The following BRI3BP variants were observed in gnomAD, a reference collection of about 807,000 sequenced individuals.
The protein encoded by BRI3BP is BRI3 binding protein, also known as BRI3-binding protein.
A neutral mutation model predicts 15.8 loss-of-function variants in BRI3BP; 7 were observed. That is an observed-to-expected ratio of 0.44 (90% CI 0.25 to 0.83). The LOEUF is 0.83. Among genes scored for constraint, BRI3BP ranks in the 40% least tolerant of loss-of-function variants. The probability of loss-of-function intolerance (pLI) is 0.20; values close to 1 mark genes in which losing one functional copy is unlikely to be tolerated. For missense variants in BRI3BP, 320 were observed against 339.3 expected (o/e 0.94, Z 0.45); for synonymous variants, 192 against 163.5 (o/e 1.17, Z -1.33).
intron 2 of BRI3BP, among the ~76,000 whole-genome samples, chr12:125,015,529 T>C (rs1014008260): frequency 6.6e-6 from 1 of 151,882 alleles, no homozygotes; most frequent in Non-Finnish European, 1.5e-5. Context: ...AACCACCCAG[T>C]TGGTAGTGGT....
chr12:125,012,412 G>T, intron 1 of BRI3BP, 122 bp from the exon 2 acceptor site: 2 of 757,802 alleles, frequency 2.6e-6, no homozygotes, highest in East Asian at 2.6e-5. Flanking sequence ...CACATGTGTG[G>T]TATTCATCAT....
chr12:125,019,642 T>TTTTTTTTTTTTTC (rs1955277278), intron 2 of BRI3BP, among the ~76,000 whole-genome samples: 1 of 30,792 alleles, frequency 3.2e-5, no homozygotes, highest in African/African-American at 6.5e-5. Flanking sequence ...ACCCTTTTTT[T>TTTTTTTTTTTTTC]TTTTTTTTTT....
chr12:125,049,848 G>A, the BRI3BP span, among the ~76,000 whole-genome samples: 1 of 152,288 alleles, frequency 6.6e-6, no homozygotes, highest in African/African-American at 2.4e-5. Context: ...TCCGCCGCCC[G>A]GGCGTTGGGG....
the BRI3BP span, among the ~76,000 whole-genome samples, chr12:125,047,394 C>T: frequency 6.6e-6 from 1 of 152,008 alleles, no homozygotes; most frequent in Non-Finnish European, 1.5e-5. Flanking sequence ...AGGATGGTCT[C>T]GATCTCCTGA....
At chr12:125,001,413 G>T (rs1299682320) in intron 1 of BRI3BP, among the ~76,000 whole-genome samples, 3 of 151,984 alleles carry the variant, frequency 2.0e-5, no homozygotes, top group Non-Finnish European at 4.4e-5. Flanking sequence ...AGAATGGAGT[G>T]CAGTGGCGCA....
chr12:125,048,119 C>T, the BRI3BP span, among the ~76,000 whole-genome samples: 1 of 151,604 alleles, frequency 6.6e-6, no homozygotes, highest in Non-Finnish European at 1.5e-5. Context: ...AGAAGAAATG[C>T]TCTGGACAGA....
intron 2 of BRI3BP, among the ~76,000 whole-genome samples, chr12:125,020,066 C>T (rs1336279341): frequency 6.6e-6 from 1 of 150,988 alleles, no homozygotes; most frequent in Non-Finnish European, 1.5e-5. Context: ...GCCTCAGCCT[C>T]CTGAGTAGCT....
In BRI3BP at chr12:125,008,386, C is replaced by T. The variant is rs59408519; in HGVS notation, c.214-4148C>T. ...GGAGTGCAGTGGCGCGATCTCGGCT[C>T]ACTGCAAGCTCCGCCTCCCGGGTTC... On this transcript the variant is annotated intron_variant, in intron 1 of 2. Coordinates refer to ENST00000341446, the MANE Select transcript of BRI3BP (RefSeq NM_080626.6). Among the ~76,000 whole-genome samples the T allele has an allele frequency of 3.7e-3, 554 of 149,122 alleles. 3 individuals carry two copies. The highest frequency in any genetic ancestry group is 0.013 in the African/African-American group (526 of 40,298).
chr12:125,007,246 A>G (rs1365163671), intron 1 of BRI3BP, among the ~76,000 whole-genome samples: 3 of 152,016 alleles, frequency 2.0e-5, no homozygotes, highest in African/African-American at 7.3e-5. Flanking sequence ...TGTACAAGTC[A>G]CACATACTTT....
At chr12:125,018,513 T>G (rs991258693) in intron 2 of BRI3BP, among the ~76,000 whole-genome samples, 1 of 151,550 alleles carries the variant, frequency 6.6e-6, no homozygotes, top group African/African-American at 2.4e-5. Flanking sequence ...GAGAGAGGAG[T>G]GTGTCTGGCA....
Position 125,025,303 on chromosome 12 carries a change from G to A in BRI3BP, c.629G>A (p.Ser210Asn). The change falls in exon 3 of 3, where the codon AGC (serine) becomes AAC (asparagine). Residue 210 changes from serine (S) to asparagine (N), a missense_variant. Ser to Asn is a conservative substitution (Grantham distance 46, BLOSUM62 1). Coordinates refer to ENST00000341446, the MANE Select transcript of BRI3BP (RefSeq NM_080626.6). ...GGCTTCTACTGGCGAAGCAGTCCCA[G>A]CGGCCCCAGCAACCCCAGCAACCCC... ...PMGFYWRSSP[S>N]GPSNPSNPSV... 8 of 1,613,880 alleles carry A rather than the reference G, an allele frequency of 5.0e-6. No homozygotes were observed. In the Admixed American group the frequency reaches 5.0e-5, roughly 10 times the overall value.
At chr12:125,047,673 G>T in the BRI3BP span, among the ~76,000 whole-genome samples, 1 of 152,036 alleles carries the variant, frequency 6.6e-6, no homozygotes, top group African/African-American at 2.4e-5. Flanking sequence ...ACCATGCCCA[G>T]CCCGTTTTAT....
chr12:125,041,808 C>T, the BRI3BP span, among the ~76,000 whole-genome samples: 1 of 152,192 alleles, frequency 6.6e-6, no homozygotes, highest in Non-Finnish European at 1.5e-5. Context: ...ACAATCCTTC[C>T]CCCTTAGTCT....
At chr12:125,035,522 TAAGTGGG>T (rs1955435964), downstream of BRI3BP, among the ~76,000 whole-genome samples, 1 of 151,218 alleles carries the variant, frequency 6.6e-6, no homozygotes, top group Non-Finnish European at 1.5e-5. Flanking sequence ...GTATCCCACC[TAAGTGGG>T]ACTACAGGTG....
At chr12:125,032,688 C>T (rs956747109), downstream of BRI3BP, among the ~76,000 whole-genome samples, 8 of 152,070 alleles carry the variant, frequency 5.3e-5, no homozygotes, top group Admixed American at 6.5e-5. Context: ...GTGGGAGGAT[C>T]GCTTGAGCCC....
chr12:125,025,009 A>T lies in BRI3BP; in HGVS notation c.335A>T (p.Tyr112Phe). Residue 112 changes from tyrosine (Y) to phenylalanine (F), a missense_variant, in exon 3 of 3, where the codon TAT becomes TTT. Physicochemically the swap from Tyr to Phe is conservative, Grantham distance 22. Coordinates refer to ENST00000341446, the MANE Select transcript of BRI3BP (RefSeq NM_080626.6). ...LGLDVSNLSQ[Y>F]FSPASVSSSP... ...CCCGCAGTCTCCAACCTGTCCCAGT[A>T]TTTCAGCCCAGCCTCGGTGTCCAGC... The T allele has an allele frequency of 6.2e-7, 1 of 1,612,748 alleles. No individual in the cohort carries two copies. Among genetic ancestry groups the T allele is most frequent in the South Asian group, 1.1e-5 (1 of 91,014 alleles).
chr12:125,035,846 C>G (rs1321693146), downstream of BRI3BP, among the ~76,000 whole-genome samples: 1 of 152,042 alleles, frequency 6.6e-6, no homozygotes, highest in Admixed American at 6.6e-5. Context: ...TTTCAATAAA[C>G]AGCTTGTGGA....
intron 1 of BRI3BP, 102 bp downstream of exon 1, chr12:124,994,105 C>T (rs184436531): frequency 7.4e-6 from 6 of 812,870 alleles, no homozygotes; most frequent in Non-Finnish European, 9.4e-6. Flanking sequence ...GCTGCCCGCC[C>T]GGCCAGCGCG....
In BRI3BP at chr12:125,026,350, C is replaced by T. The variant is rs1298874911; in HGVS notation, c.*920C>T. On this transcript the variant is annotated 3_prime_UTR_variant, in exon 3 of 3. Transcript: ENST00000341446. ...TTTTTTTCTTTTGATTTCCTCAGGACCTTAGAGGGAAAACAAACAGTAGCA... is the reference window on the plus strand; with the variant it reads ...TTTTTTTCTTTTGATTTCCTCAGGATCTTAGAGGGAAAACAAACAGTAGCA... 1.3e-5 allele frequency: 2 copies of T among 150,992 alleles called. No individual in the cohort carries two copies. Among genetic ancestry groups the T allele is most frequent in the Admixed American group, 6.6e-5 (1 of 15,148 alleles). 9.4% of individuals were successfully genotyped at this position (150,992 alleles called of 1,614,324 possible).
Sources: gnomAD v4.1 joint callset for allele counts (sites outside exome capture counted in the v4.1 genomes callset) on GRCh38, gnomAD v4.1.1 for gene constraint, MANE v1.5 for transcripts, NCBI Gene and HGNC (gene_info 2026-07-23, HGNC 2026-07-21) for gene names.